TTN: variants seen among roughly 807,000 people sequenced by gnomAD.
TTN encodes titin.
In TTN, 1,525 loss-of-function variants were observed where a neutral mutation model predicts 3,223.0. The observed-to-expected ratio is 0.47, with a 90% CI of 0.45 to 0.49. The LOEUF (loss-of-function observed/expected upper bound fraction) is 0.49. Ranked by LOEUF, TTN falls within the 20% of genes least tolerant of loss-of-function variation. TTN has a pLI of 0.00. For missense variants in TTN, 40,786 were observed against 43,424.0 expected (o/e 0.94, Z 5.40); for synonymous variants, 14,094 against 15,161.0 (o/e 0.93, Z 5.17).
chr2:178,583,129 T>C lies in TTN; in HGVS notation c.65674A>G (p.Met21892Val). The change falls in exon 313 of 363, where the codon ATG becomes GTG. Residue 21892 changes from methionine to valine, a missense_variant. Transcript: ENST00000589042. ...CLDATVFGKP[M>V]PTVSWKKDGT... ...TCTTTTTTCCAAGAAACTGTTGGCA[T>C]CGGTTTACCAAAAACAGTAGCATCC... The C allele has an allele frequency of 1.9e-6, 3 of 1,612,380 alleles. No individual in the cohort carries two copies. Among genetic ancestry groups the C allele is most frequent in the Non-Finnish European group, 2.5e-6 (3 of 1,179,088 alleles).
At position 178,540,159 on chromosome 2, in the gene TTN, T is replaced by C; in HGVS notation, c.98007A>G (p.Ala32669=). ...EYTLTHLPQG[A]EYRFRVLACN... The stretch of plus-strand genomic sequence containing the variant: ...AAGCTAGGACGCGGAACCTGTATTC[T>C]GCACCCTGAGGTAGGTGTGTTAGAG... The change falls in exon 351 of 363, where the codon GCA becomes GCG. Residue 32669 remains alanine, a synonymous_variant. Coordinates refer to ENST00000589042, the MANE Select transcript of TTN (RefSeq NM_001267550.2). 1.2e-6 allele frequency: 2 copies of C among 1,613,828 alleles called. No individual in the cohort carries two copies. Among genetic ancestry groups the C allele is most frequent in the Admixed American group, 1.7e-5 (1 of 60,018 alleles).
chr2:178,554,550 G>C lies in TTN; in HGVS notation c.88797C>G (p.Ile29599Met), dbSNP rs771722266. The change falls in exon 332 of 363, where the codon ATC becomes ATG. Residue 29599 changes from isoleucine (I) to methionine (M), a missense_variant. Ile to Met is a conservative substitution (Grantham distance 10). Coordinates refer to ENST00000589042, the MANE Select transcript of TTN (RefSeq NM_001267550.2). ...CCCGGAAGATGTATTCATTTCCTTT[G>C]ATAATTTTGGTGGTTGTAATGATGC... is the stretch of plus-strand genomic sequence containing the variant. ...EECIITTTKIIKGNEYIFRVR... is the reference protein window; with the variant it reads ...EECIITTTKIMKGNEYIFRVR... The C allele has an allele frequency of 8.7e-6, 14 of 1,613,740 alleles. No individual in the cohort carries two copies. The highest frequency in any genetic ancestry group is 1.2e-5 in the Non-Finnish European group (14 of 1,179,806).
chr2:178,701,247 T>A, intron 110 of TTN, 44 bp from the exon 111 acceptor site: 1 of 1,544,392 alleles, frequency 6.5e-7, no homozygotes, highest in Non-Finnish European at 8.9e-7. Flanking sequence ...TAGTTTCTTA[T>A]TTTGCGTAAA....
chr2:178,593,122 G>C, intron 299 of TTN, 39 bp from the exon 300 acceptor site: 1 of 1,610,240 alleles, frequency 6.2e-7, no homozygotes, highest in Non-Finnish European at 8.5e-7. Flanking sequence ...GCATATAGCT[G>C]AAAACAAAGT....
At chr2:178,697,944 T>C (rs1472311026) in intron 112 of TTN, among the ~76,000 whole-genome samples, 1 of 152,192 alleles carries the variant, frequency 6.6e-6, no homozygotes, top group African/African-American at 2.4e-5. Flanking sequence ...GGTACTTCCA[T>C]GTTCATTGCA....
At position 178,664,653 on chromosome 2, in the gene TTN, C is replaced by A. The variant is rs758622001; in HGVS notation, c.36202+1G>T. ...CCCTCTAAGCTTCCAGCAAGATATA[C>A]CTTCATCAGGAAGGACTTCAGGCTT... is the stretch of plus-strand genomic sequence containing the variant. On this transcript the variant is annotated splice_donor_variant, in intron 167 of 362. Coordinates refer to ENST00000589042, the MANE Select transcript of TTN (RefSeq NM_001267550.2). LOFTEE classifies it high-confidence loss of function. The A allele has an allele frequency of 2.5e-6, 4 of 1,612,268 alleles. No individual in the cohort carries two copies. Among genetic ancestry groups the A allele is most frequent in the Middle Eastern group, 1.6e-4 (1 of 6,062 alleles).
In TTN at chr2:178,794,975, C is replaced by G; in HGVS notation, c.1192G>C (p.Val398Leu). 1.2e-6 allele frequency: 2 copies of G among 1,606,906 alleles called. No homozygotes were observed. Among genetic ancestry groups the G allele is most frequent in the Non-Finnish European group, 1.7e-6 (2 of 1,179,972 alleles). ...ISGAAGAAAS[V>L]SASASYAAEA... ...GCTGCGTAGCTAGCACTGGCCGACA[C>G]ACTGGCGGCAGCACCCGCAGCACCA... The change falls in exon 7 of 363, where the codon GTG becomes CTG. Residue 398 changes from valine (V) to leucine (L), a missense_variant. Physicochemically the swap from Val to Leu is conservative, Grantham distance 32. Coordinates refer to ENST00000589042, the MANE Select transcript of TTN (RefSeq NM_001267550.2).
chr2:178,581,426 A>G, intron 316 of TTN, 73 bp downstream of exon 316: 1 of 1,300,962 alleles, frequency 7.7e-7, no homozygotes, highest in Non-Finnish European at 1.1e-6. Context: ...AATCTACCTA[A>G]GGGAGTTCTA....
At position 178,746,180 on chromosome 2, in the gene TTN, G is replaced by A. The variant is rs137966047; in HGVS notation, c.11312-4259C>T. ...TTTATACCACTTAACTTCGGGAGTC[G>A]GGATCCCTATGACTGAACATTTGAA... On this transcript the variant is annotated intron_variant, in intron 47 of 362. Transcript: ENST00000589042. The A allele has an allele frequency of 6.8e-5, 109 of 1,613,008 alleles. No homozygotes were observed. The highest frequency in any genetic ancestry group is 8.1e-5 in the Non-Finnish European group (96 of 1,179,516).
Position 178,587,551 on chromosome 2 carries a change from C to A in TTN, c.63758G>T (p.Gly21253Val), listed in dbSNP as rs770861395. 6.2e-7 allele frequency: 1 copy of A among 1,611,006 alleles called. No homozygotes were observed. The highest frequency in any genetic ancestry group is 1.3e-5 in the African/African-American group (1 of 74,792). Residue 21253 changes from glycine to valine, a missense_variant, in exon 306 of 363, where the codon GGA becomes GTA. By Grantham distance (109) the Gly-to-Val change is moderately radical (BLOSUM62 -3). Coordinates refer to ENST00000589042, the MANE Select transcript of TTN (RefSeq NM_001267550.2). ...GACATTTACGAATACAGCCTTTTCT[C>A]CTGCTGGGTTCACAAGTGTTAAGGA... ...KYSLTLVNPA[G>V]EKAVFVNVRV...
chr2:178,750,220 T>C lies in TTN; in HGVS notation c.11311+2904A>G, dbSNP rs750539962. ...CGCCTTTTGCTTGGTCAAACACCAA[T>C]GCTAACTCTTCTTCCTCATCCAAGT... On this transcript the variant is annotated intron_variant, in intron 47 of 362. Transcript: ENST00000589042. 106 of 1,613,080 alleles carry C rather than the reference T, an allele frequency of 6.6e-5. No homozygotes were observed. Among genetic ancestry groups the C allele is most frequent in the Non-Finnish European group, 8.6e-5 (102 of 1,179,478 alleles).
rs1284086588 is a variant in TTN at position 178,618,204 on chromosome 2, C to T, written c.47254G>A (p.Ala15752Thr). ...EPVETDNPVE[A>T]RSKYDVPGPP... ...AACTTCTTACCATATTTACTCCTTGCTTCTACAGGATTGTCAGTTTCTACT... is the reference window on the plus strand; with the variant it reads ...AACTTCTTACCATATTTACTCCTTGTTTCTACAGGATTGTCAGTTTCTACT... Residue 15752 changes from alanine (A) to threonine (T), a missense_variant, in exon 252 of 363, where the codon GCA (alanine) becomes ACA (threonine). Transcript: ENST00000589042. The T allele has an allele frequency of 1.2e-6, 2 of 1,612,528 alleles. No homozygotes were observed. The highest frequency in any genetic ancestry group is 4.5e-5 in the East Asian group (2 of 44,746).
chr2:178,601,225 A>G (rs748749229), intron 287 of TTN, 40 bp downstream of exon 287: 1 of 1,519,038 alleles, frequency 6.6e-7, no homozygotes, highest in Non-Finnish European at 8.8e-7. Flanking sequence ...ATATACTTCA[A>G]TTTTGAGAAG....
rs1490024449 is a variant in TTN, at chr2:178,664,071, G to A, written c.36308C>T (p.Pro12103Leu). 6.2e-7 allele frequency: 1 copy of A among 1,612,676 alleles called. No homozygotes were observed. Among genetic ancestry groups the A allele is most frequent in the African/African-American group, 1.3e-5 (1 of 74,820 alleles). Residue 12103 changes from proline to leucine, a missense_variant, in exon 169 of 363, where the codon CCT (proline) becomes CTT (leucine). Physicochemically the swap from Pro to Leu is moderately conservative, Grantham distance 98 (BLOSUM62 -3). Transcript: ENST00000589042. ...KVHEAPKEII[P>L]EKKVSVVPPK... ...AGGCACCACCGACACTTTCTTTTCA[G>A]GGATAATCTCTTTGGGAGCTTCGTG...
At chr2:178,688,552 A>G (rs2071466305) in intron 126 of TTN, 125 bp downstream of exon 126, 2 of 725,872 alleles carry the variant, frequency 2.8e-6, no homozygotes, top group Non-Finnish European at 4.8e-6. Context: ...ACACATTCTA[A>G]TACCAACATA....
intron 360 of TTN, 46 bp downstream of exon 360, chr2:178,528,482 T>C (rs1013294904): frequency 7.5e-6 from 12 of 1,598,478 alleles, no homozygotes; most frequent in Admixed American, 1.7e-5. Flanking sequence ...GTGGAAGACA[T>C]GGTATTTTAG....
At chr2:178,629,179 G>A (rs2059463801) in intron 240 of TTN, 122 bp downstream of exon 240, 1 of 1,340,812 alleles carries the variant, frequency 7.5e-7, no homozygotes, top group Non-Finnish European at 9.8e-7. Flanking sequence ...GCTAAAGGCG[G>A]AAAGAGAAAG....
intron 316 of TTN, 60 bp from the exon 317 acceptor site, chr2:178,580,669 G>T (rs2047488721): frequency 6.7e-7 from 1 of 1,487,878 alleles, no homozygotes; most frequent in South Asian, 1.3e-5. Flanking sequence ...TATTTCCAGG[G>T]ACTGGCCTTG....
Position 178,722,353 on chromosome 2 carries a change from A to C in TTN, c.22434T>G (p.Ile7478Met). The C allele has an allele frequency of 6.2e-7, 1 of 1,613,248 alleles. No individual in the cohort carries two copies. Among genetic ancestry groups the C allele is most frequent in the South Asian group, 1.1e-5 (1 of 91,040 alleles). Residue 7478 changes from isoleucine (I) to methionine (M), a missense_variant, in exon 77 of 363, where the codon ATT becomes ATG. Coordinates refer to ENST00000589042, the MANE Select transcript of TTN (RefSeq NM_001267550.2). Reference sequence around the variant, plus strand: ...CAGAGTGACTCAAGTCAGTTTGCAAAATTTTTAAAGTTGCCACATTATCTA... The same window carrying C: ...CAGAGTGACTCAAGTCAGTTTGCAACATTTTTAAAGTTGCCACATTATCTA... ...SFVDNVATLKILQTDLSHSGQ... is the reference protein window; with the variant it reads ...SFVDNVATLKMLQTDLSHSGQ...
Sources: allele counts gnomAD v4.1 joint callset (sites outside exome capture counted in the v4.1 genomes callset), GRCh38; gene constraint gnomAD v4.1.1; transcripts MANE v1.5; gene names NCBI Gene and HGNC (gene_info 2026-07-23, HGNC 2026-07-21).